ELOVL7: variants seen among roughly 807,000 people sequenced by gnomAD.
ELOVL7 encodes very long chain fatty acid elongase 7.
ELOVL7 carries 27 observed loss-of-function variants against 35.7 expected under a neutral mutation model. The observed-to-expected ratio is 0.76, with a 90% CI of 0.56 to 1.04. The LOEUF is 1.04. Ranked by LOEUF, ELOVL7 falls within the 50% of genes least tolerant of loss-of-function variation. ELOVL7 has a pLI of 0.00. For synonymous variants in ELOVL7, 113 were observed against 114.6 expected, an observed-to-expected ratio of 0.99 and a Z score of 0.09; for missense variants, 327 against 340.8, an observed-to-expected ratio of 0.96 and a Z score of 0.32.
At chr5:60,781,212 GAAA>G (rs34249182) in intron 3 of ELOVL7, among the ~76,000 whole-genome samples, 1 of 124,522 alleles carries the variant, frequency 8.0e-6, no homozygotes, top group African/African-American at 3.0e-5. Context: ...CCCTGTCTCA[GAAA>G]AAAAAAAAAA....
intron 1 of ELOVL7, among the ~76,000 whole-genome samples, chr5:60,826,893 T>A (rs1746200646): frequency 6.6e-6 from 1 of 152,204 alleles, no homozygotes; most frequent in Non-Finnish European, 1.5e-5. Flanking sequence ...AACTTCATGA[T>A]AAATGGCCTC....
chr5:60,834,360 T>C (rs1036537255), intron 1 of ELOVL7, among the ~76,000 whole-genome samples: 5 of 152,338 alleles, frequency 3.3e-5, no homozygotes, highest in African/African-American at 1.2e-4. Flanking sequence ...TTAGCCAGGA[T>C]GGTCTCCATC....
At chr5:60,785,902 T>G (rs1175102326) in intron 3 of ELOVL7, 3 of 152,226 alleles carry the variant, frequency 2.0e-5, no homozygotes, top group African/African-American at 7.2e-5. Context: ...AGTAGTCTGC[T>G]GAGAAAGCTG....
intron 1 of ELOVL7, among the ~76,000 whole-genome samples, chr5:60,799,835 C>T (rs991023255): frequency 2.0e-5 from 3 of 151,476 alleles, no homozygotes; most frequent in African/African-American, 4.9e-5. Flanking sequence ...GTCAGGAGTT[C>T]GAGACTAGCC....
chr5:60,754,813 G>T lies in ELOVL7; in HGVS notation c.657C>A (p.Ala219=), dbSNP rs1309599265. 1.9e-6 allele frequency: 3 copies of T among 1,614,034 alleles called. No homozygotes were observed. The South Asian group carries it at 3.3e-5, about 18-fold the overall frequency. Residue 219 remains alanine (A), a synonymous_variant, in exon 9 of 9, where the codon GCC becomes GCA. Coordinates refer to ENST00000508821, the MANE Select transcript of ELOVL7 (RefSeq NM_024930.3). ...TGAAAAAGAACTGGCTTATGTGGATGGCGACAATAACAAACTGGACCTAAG... is the reference window on the plus strand; with the variant it reads ...TGAAAAAGAACTGGCTTATGTGGATTGCGACAATAACAAACTGGACCTAAG... ...SLQLVQFVIV[A]IHISQFFFME...
intron 1 of ELOVL7, among the ~76,000 whole-genome samples, chr5:60,821,229 C>T (rs1204774530): frequency 1.3e-5 from 2 of 152,172 alleles, no homozygotes; most frequent in Non-Finnish European, 2.9e-5. Flanking sequence ...AAAAGTCTAA[C>T]TCTGTGGTGA....
intron 2 of ELOVL7, among the ~76,000 whole-genome samples, chr5:60,798,843 G>T (rs138328648): frequency 1.3e-5 from 2 of 152,120 alleles, no homozygotes; most frequent in African/African-American, 4.8e-5. Flanking sequence ...TGAAGTACGC[G>T]TTAGACTAAA....
intron 2 of ELOVL7, among the ~76,000 whole-genome samples, chr5:60,795,503 T>C (rs6875456): frequency 0.58 from 88,350 of 151,994 alleles, 26,449 homozygotes; most frequent in East Asian, 0.89. Context: ...AGCGGCAACC[T>C]CTTTGGGTAC....
rs1198390252 is a variant in ELOVL7, at chr5:60,757,492, G to A, written c.636+17C>T. 1.2e-6 allele frequency: 2 copies of A among 1,611,302 alleles called. No individual in the cohort carries two copies. Among genetic ancestry groups the A allele is most frequent in the African/African-American group, 2.7e-5 (2 of 74,982 alleles). On this transcript the variant is annotated intron_variant, in intron 8 of 8. Transcript: ENST00000508821. ...TAGCTGCTTCATATATGGTTTTAAA[G>A]ACAATTAATTACTCACAAGCTGTAA...
intron 4 of ELOVL7, among the ~76,000 whole-genome samples, chr5:60,769,912 A>G (rs1742473981): frequency 6.6e-6 from 1 of 152,144 alleles, no homozygotes; most frequent in Non-Finnish European, 1.5e-5. Context: ...TTAGCTAGAC[A>G]TAGTGGCGCA....
At chr5:60,776,928 C>T (rs965524681) in intron 3 of ELOVL7, among the ~76,000 whole-genome samples, 2 of 151,916 alleles carry the variant, frequency 1.3e-5, no homozygotes, top group Admixed American at 6.6e-5. Context: ...TTTTGAAATA[C>T]AGTAAGGAAG....
intron 1 of ELOVL7, among the ~76,000 whole-genome samples, chr5:60,819,326 CAGAT>C (rs1745751159): frequency 6.6e-6 from 1 of 151,894 alleles, no homozygotes; most frequent in African/African-American, 2.4e-5. Flanking sequence ...GGTGGATAGA[CAGAT>C]GGATGAGATG....
chr5:60,811,729 T>C (rs1201408821), intron 1 of ELOVL7, among the ~76,000 whole-genome samples: 2 of 152,114 alleles, frequency 1.3e-5, no homozygotes, highest in Non-Finnish European at 2.9e-5. Flanking sequence ...CAGGACTTTG[T>C]AGAGAGCACC....
Position 60,785,164 on chromosome 5 carries a change from C to T in ELOVL7, c.64+2170G>A, listed in dbSNP as rs74466105. Among the ~76,000 whole-genome samples the T allele has an allele frequency of 2.6e-3, 392 of 152,308 alleles. 2 individuals are homozygous for T. The highest frequency in any genetic ancestry group is 9.1e-3 in the African/African-American group (380 of 41,578). Reference sequence around the variant, plus strand: ...CCATATCCTCTCTCCCCTCCCAAGTCTTCAAATGAGCATAACTTCAAATAC... The same window carrying T: ...CCATATCCTCTCTCCCCTCCCAAGTTTTCAAATGAGCATAACTTCAAATAC... On this transcript the variant is annotated intron_variant, in intron 3 of 8. Coordinates refer to ENST00000508821, the MANE Select transcript of ELOVL7 (RefSeq NM_024930.3).
At chr5:60,824,299 A>G (rs1746045946) in intron 1 of ELOVL7, among the ~76,000 whole-genome samples, 1 of 152,218 alleles carries the variant, frequency 6.6e-6, no homozygotes, top group Non-Finnish European at 1.5e-5. Flanking sequence ...GAGTCACACA[A>G]GGAACTTTAA....
intron 1 of ELOVL7, among the ~76,000 whole-genome samples, chr5:60,826,342 T>C (rs1357584300): frequency 6.6e-6 from 1 of 152,160 alleles, no homozygotes; most frequent in African/African-American, 2.4e-5. Context: ...AAGATACACC[T>C]GCCCAGATAC....
At chr5:60,796,587 C>G (rs945543627) in intron 2 of ELOVL7, among the ~76,000 whole-genome samples, 5 of 152,208 alleles carry the variant, frequency 3.3e-5, no homozygotes, top group Non-Finnish European at 7.3e-5. Context: ...AAGGAAGCTA[C>G]CAACATGTAT....
intron 4 of ELOVL7, among the ~76,000 whole-genome samples, chr5:60,768,460 T>C (rs1742377870): frequency 6.6e-6 from 1 of 152,192 alleles, no homozygotes; most frequent in Admixed American, 6.5e-5. Flanking sequence ...TCAGATATTA[T>C]TAATAGTTTT....
chr5:60,758,553 T>C (rs1021471037), intron 7 of ELOVL7, among the ~76,000 whole-genome samples: 2 of 152,204 alleles, frequency 1.3e-5, no homozygotes, highest in Admixed American at 6.5e-5. Context: ...CGGCTTCCAA[T>C]TGATTATGCC....
Sources: gnomAD v4.1 joint callset for allele counts (sites outside exome capture counted in the v4.1 genomes callset) on GRCh38, gnomAD v4.1.1 for gene constraint, MANE v1.5 for transcripts, NCBI Gene and HGNC (gene_info 2026-07-23, HGNC 2026-07-21) for gene names.